The following RBFOX1 variants were observed in gnomAD, a reference collection of about 807,000 sequenced individuals.
RBFOX1 encodes RNA binding fox-1 homolog 1.
A neutral mutation model predicts 57.7 loss-of-function variants in RBFOX1; 8 were observed. That is an observed-to-expected ratio of 0.14 (90% CI 0.08 to 0.25). The LOEUF is 0.25. Among genes scored for constraint, RBFOX1 ranks in the 10% least tolerant of loss-of-function variants. RBFOX1 has a pLI of 1.00. For synonymous variants in RBFOX1, 326 were observed against 222.4 expected (o/e 1.47, Z -4.15); for missense variants, 611 against 548.5 (o/e 1.11, Z -1.14).
chr16:7,077,940 G>A (rs1319385464), intron 4 of RBFOX1, among the ~76,000 whole-genome samples: 2 of 152,112 alleles, frequency 1.3e-5, no homozygotes, highest in South Asian at 2.1e-4. Context: ...AACTCATTAG[G>A]CCAAACAGAG....
At chr16:7,013,474 G>C (rs142417720) in intron 3 of RBFOX1, among the ~76,000 whole-genome samples, 12 of 152,310 alleles carry the variant, frequency 7.9e-5, no homozygotes, top group East Asian at 7.7e-4. Flanking sequence ...AGCAGATGGA[G>C]TGAAGGCATG....
chr16:7,532,146 T>TC (rs35326274), intron 5 of RBFOX1, among the ~76,000 whole-genome samples: 94,674 of 147,574 alleles, frequency 0.64, 34,023 homozygotes, highest in Non-Finnish European at 0.82. Flanking sequence ...TTTTTTTTTT[T>TC]CACTAAGAAA....
chr16:7,340,458 T>C (rs76726293), intron 4 of RBFOX1, among the ~76,000 whole-genome samples: 3,404 of 152,334 alleles, frequency 0.022, 52 homozygotes, highest in Non-Finnish European at 0.03. Flanking sequence ...TTACCTGGTA[T>C]CTTCTCCGTT....
chr16:7,164,764 A>C (rs2152412083), intron 4 of RBFOX1, among the ~76,000 whole-genome samples: 1 of 152,330 alleles, frequency 6.6e-6, no homozygotes, highest in South Asian at 2.1e-4. Flanking sequence ...TAATTTAATC[A>C]AAAATCCACC....
chr16:7,694,953 A>T (rs2078322082), intron 14 of RBFOX1, among the ~76,000 whole-genome samples: 1 of 152,194 alleles, frequency 6.6e-6, no homozygotes, highest in Admixed American at 6.5e-5. Flanking sequence ...CTTAGATCAA[A>T]CATGAAAAAG....
chr16:5,593,326 T>G (rs2047071393), intron 2 of RBFOX1, among the ~76,000 whole-genome samples: 1 of 147,516 alleles, frequency 6.8e-6, no homozygotes, highest in South Asian at 2.2e-4. Flanking sequence ...GAACATCACA[T>G]ACCGGGGCCT....
In RBFOX1 at chr16:5,842,812, AT is replaced by A. The variant is rs200270563; in HGVS notation, c.319-24481del. On this transcript the variant is annotated intron_variant, in intron 3 of 19. Coordinates refer to the RBFOX1 transcript ENST00000641259. ...TGACCACATTACTATTTTTGTTTTTATTTTTTTTTTAATTTATTTATTTTGA... is the reference window on the plus strand; with the variant it reads ...TGACCACATTACTATTTTTGTTTTTATTTTTTTTTAATTTATTTATTTTGA... Among the ~76,000 whole-genome samples the A allele has an allele frequency of 1.9e-3, 287 of 149,812 alleles. 1 individual carries two copies. Among genetic ancestry groups the A allele is most frequent in the Admixed American group, 3.1e-3 (47 of 15,032 alleles).
chr16:7,442,826 G>T (rs1166910709), intron 4 of RBFOX1, among the ~76,000 whole-genome samples: 1 of 152,254 alleles, frequency 6.6e-6, no homozygotes, highest in Admixed American at 6.5e-5. Context: ...GTGGCTGGGT[G>T]ATTTGTTTTT....
At chr16:5,900,024 G>T (rs2058268411) in intron 4 of RBFOX1, among the ~76,000 whole-genome samples, 1 of 152,170 alleles carries the variant, frequency 6.6e-6, no homozygotes, top group East Asian at 1.9e-4. Context: ...GTTGCAGTGA[G>T]CCGAGATTGT....
At chr16:6,370,362 GAAAA>G (rs71145221) in intron 2 of RBFOX1, among the ~76,000 whole-genome samples, 193 of 82,018 alleles carry the variant, frequency 2.4e-3, no homozygotes, top group East Asian at 0.015. Flanking sequence ...CGTCTCAAAA[GAAAA>G]AAAAAAAAAA....
At chr16:5,964,762 TATATATATATACACACATATAC>T in intron 4 of RBFOX1, among the ~76,000 whole-genome samples, 1 of 151,080 alleles carries the variant, frequency 6.6e-6, no homozygotes, top group Middle Eastern at 3.4e-3. Flanking sequence ...TGTATATGTA[TATATATATATACACACATATAC>T]ACACACACAT....
chr16:6,293,814 A>G (rs961343361), intron 1 of RBFOX1, among the ~76,000 whole-genome samples: 3 of 107,714 alleles, frequency 2.8e-5, no homozygotes, highest in Admixed American at 1.7e-4. Flanking sequence ...AGGAAGTGGG[A>G]TGAATAAAAC....
At chr16:6,374,323 G>A (rs1023347965) in intron 2 of RBFOX1, among the ~76,000 whole-genome samples, 13 of 152,188 alleles carry the variant, frequency 8.5e-5, no homozygotes, top group African/African-American at 3.1e-4. Flanking sequence ...ATCATTTTGT[G>A]ATCAGGCAAT....
rs113996337 is a variant in RBFOX1, at chr16:7,241,356, C to T, written c.27+189258C>T. ...GTCACCTCCTGGCCCGTTGGACTATCTTGGAAAGAGCATGTGATTCCCTGT... is the reference window on the plus strand; with the variant it reads ...GTCACCTCCTGGCCCGTTGGACTATTTTGGAAAGAGCATGTGATTCCCTGT... On this transcript the variant is annotated intron_variant, in intron 4 of 15. Transcript: ENST00000550418. 5.4e-3 allele frequency among the ~76,000 whole-genome samples: 821 copies of T among 152,258 alleles called. 1 individual carries two copies. The highest frequency in any genetic ancestry group is 0.031 in the Middle Eastern group (9 of 294).
chr16:6,672,523 AAAG>A (rs920698385), intron 3 of RBFOX1, among the ~76,000 whole-genome samples: 12 of 151,776 alleles, frequency 7.9e-5, no homozygotes, highest in South Asian at 4.2e-4. Context: ...ATGGGAGAAA[AAAG>A]AAAAGAAAGA....
At chr16:7,349,701 C>T (rs568983014) in intron 4 of RBFOX1, among the ~76,000 whole-genome samples, 247 of 152,116 alleles carry the variant, frequency 1.6e-3, no homozygotes, top group Non-Finnish European at 1.6e-3. Flanking sequence ...ATGTGTTCAC[C>T]GATTTAGTAA....
intron 3 of RBFOX1, among the ~76,000 whole-genome samples, chr16:6,736,180 T>C (rs1465417508): frequency 6.6e-6 from 1 of 152,154 alleles, no homozygotes; most frequent in Non-Finnish European, 1.5e-5. Flanking sequence ...ATTAATTTTT[T>C]AAATTTTATT....
At chr16:5,606,752 T>C (rs915298833) in intron 3 of RBFOX1, among the ~76,000 whole-genome samples, 1 of 151,790 alleles carries the variant, frequency 6.6e-6, no homozygotes, top group African/African-American at 2.4e-5. Context: ...ACAGAGGAGG[T>C]GATACATAGA....
chr16:5,520,153 A>C (rs1349293459), intron 2 of RBFOX1, among the ~76,000 whole-genome samples: 1 of 152,190 alleles, frequency 6.6e-6, no homozygotes, highest in Non-Finnish European at 1.5e-5. Flanking sequence ...GAGGGGAAAG[A>C]GGAAGAGGCT....
Sources: gnomAD v4.1 joint callset for allele counts (sites outside exome capture counted in the v4.1 genomes callset) on GRCh38, gnomAD v4.1.1 for gene constraint, MANE v1.5 for transcripts, NCBI Gene and HGNC (gene_info 2026-07-23, HGNC 2026-07-21) for gene names.